The following MYO1D variants were observed in gnomAD, a reference collection of about 807,000 sequenced individuals.
MYO1D encodes myosin ID, also known as unconventional myosin-Id.
Under a neutral mutation model 122.0 loss-of-function variants are expected in MYO1D, and 83 were observed. That is an observed-to-expected ratio of 0.68 (90% confidence interval 0.57 to 0.82). The LOEUF (loss-of-function observed/expected upper bound fraction) is 0.82. MYO1D is among the 40% of genes least tolerant of loss of function. MYO1D has a pLI of 0.00. For missense variants in MYO1D, 1,157 were observed against 1,269.5 expected (o/e 0.91, Z 1.35); for synonymous variants, 464 against 446.9 (o/e 1.04, Z -0.48).
At chr17:32,755,362 A>C in intron 11 of MYO1D, 130 bp downstream of exon 11, 1 of 950,798 alleles carries the variant, frequency 1.1e-6, no homozygotes, top group Non-Finnish European at 1.5e-6. Context: ...TCATTTAATG[A>C]ATGTTTATGA....
chr17:32,810,041 G>A (rs1358092694), intron 1 of MYO1D, among the ~76,000 whole-genome samples: 1 of 152,162 alleles, frequency 6.6e-6, no homozygotes, highest in East Asian at 1.9e-4. Context: ...GTGGCATGCA[G>A]GTGACCTTGA....
intron 21 of MYO1D, among the ~76,000 whole-genome samples, chr17:32,551,534 C>G (rs1483070625): frequency 1.5e-5 from 2 of 137,788 alleles, no homozygotes; most frequent in Non-Finnish European, 3.1e-5. Flanking sequence ...TTCTCTATGT[C>G]CCCCCACCCA....
chr17:32,756,696 G>GA (rs1460255790), intron 10 of MYO1D, among the ~76,000 whole-genome samples: 2 of 151,668 alleles, frequency 1.3e-5, no homozygotes, highest in African/African-American at 4.8e-5. Flanking sequence ...TGAACAATTT[G>GA]AAAAAATTCA....
chr17:32,547,056 C>T (rs780774086), intron 21 of MYO1D, among the ~76,000 whole-genome samples: 1 of 148,358 alleles, frequency 6.7e-6, no homozygotes, highest in Non-Finnish European at 1.5e-5. Flanking sequence ...ACTACATCAC[C>T]GTGCCCAGCT....
chr17:32,802,935 T>A (rs1290081067), intron 1 of MYO1D, among the ~76,000 whole-genome samples: 1 of 152,178 alleles, frequency 6.6e-6, no homozygotes, highest in Non-Finnish European at 1.5e-5. Context: ...TTAGATTTGG[T>A]GGCCAAATCG....
At chr17:32,658,999 G>C (rs112069893) in intron 17 of MYO1D, 116 bp downstream of exon 17, 3 of 989,558 alleles carry the variant, frequency 3.0e-6, no homozygotes, top group Admixed American at 2.2e-5. Flanking sequence ...ATAAGGTAAA[G>C]GTAAATGTCA....
chr17:32,871,264 T>C (rs1382054724), intron 1 of MYO1D, among the ~76,000 whole-genome samples: 1 of 152,062 alleles, frequency 6.6e-6, no homozygotes, highest in Non-Finnish European at 1.5e-5. Context: ...TTGTCATAAA[T>C]GAAAGAGGAG....
At chr17:32,875,709 TG>T (rs1342274237) in intron 1 of MYO1D, among the ~76,000 whole-genome samples, 1 of 152,200 alleles carries the variant, frequency 6.6e-6, no homozygotes, top group African/African-American at 2.4e-5. Context: ...CCCTGTCAAC[TG>T]GATTGACAGG....
intron 20 of MYO1D, among the ~76,000 whole-genome samples, chr17:32,610,808 C>T (rs537008793): frequency 1.9e-4 from 29 of 152,298 alleles, no homozygotes; most frequent in Non-Finnish European, 3.4e-4. Context: ...TTGTGAAACA[C>T]CTCAGCTGGG....
chr17:32,618,163 A>G (rs1222149803), intron 20 of MYO1D, among the ~76,000 whole-genome samples: 1 of 152,224 alleles, frequency 6.6e-6, no homozygotes, highest in Non-Finnish European at 1.5e-5. Flanking sequence ...TCTACAAAAC[A>G]TGAGCTTTGA....
chr17:32,758,842 G>A (rs1179009906), intron 10 of MYO1D, among the ~76,000 whole-genome samples: 1 of 152,038 alleles, frequency 6.6e-6, no homozygotes, highest in Non-Finnish European at 1.5e-5. Context: ...GCTCCCTCTA[G>A]GACAAATAGT....
chr17:32,816,938 T>G (rs1437506382), intron 1 of MYO1D, among the ~76,000 whole-genome samples: 1 of 152,004 alleles, frequency 6.6e-6, no homozygotes, highest in Non-Finnish European at 1.5e-5. Context: ...TGACAAGCGG[T>G]AAGAAATGCC....
intron 16 of MYO1D, among the ~76,000 whole-genome samples, chr17:32,697,518 C>T (rs939842739): frequency 6.6e-6 from 1 of 152,210 alleles, no homozygotes; most frequent in African/African-American, 2.4e-5. Flanking sequence ...ACCCCAGCTT[C>T]CTGTTTCAGC....
intron 16 of MYO1D, among the ~76,000 whole-genome samples, chr17:32,689,242 T>G (rs570994534): frequency 4.9e-4 from 74 of 152,186 alleles, no homozygotes; most frequent in Non-Finnish European, 1.0e-3. Flanking sequence ...GCATTTAAAT[T>G]ATAAATGCTT....
chr17:32,808,472 A>G (rs1703706699), intron 1 of MYO1D, among the ~76,000 whole-genome samples: 1 of 152,176 alleles, frequency 6.6e-6, no homozygotes, highest in Non-Finnish European at 1.5e-5. Flanking sequence ...TTTCCCTCAC[A>G]GCTTATCCCA....
intron 21 of MYO1D, among the ~76,000 whole-genome samples, chr17:32,588,388 C>CT (rs946809066): frequency 6.6e-6 from 1 of 152,198 alleles, no homozygotes; most frequent in African/African-American, 2.4e-5. Flanking sequence ...ATGTCCTTCT[C>CT]TGATCGTTCA....
At chr17:32,542,703 C>T (rs981182850) in intron 21 of MYO1D, among the ~76,000 whole-genome samples, 6 of 151,334 alleles carry the variant, frequency 4.0e-5, no homozygotes, top group Non-Finnish European at 5.9e-5. Flanking sequence ...TCAGGAATAT[C>T]TAAATATTTC....
intron 1 of MYO1D, chr17:32,794,110 C>A (rs2151038266): frequency 6.6e-6 from 1 of 152,304 alleles, no homozygotes; most frequent in East Asian, 1.9e-4. Context: ...TCCAGCTTGG[C>A]TTCATGTTTA....
At chr17:32,543,545 C>T (rs575800378) in intron 21 of MYO1D, among the ~76,000 whole-genome samples, 1 of 151,720 alleles carries the variant, frequency 6.6e-6, no homozygotes, top group East Asian at 1.9e-4. Flanking sequence ...CACTGCACTC[C>T]AGCCTGCGCA....
Sources: gnomAD v4.1 joint callset for allele counts (sites outside exome capture counted in the v4.1 genomes callset) on GRCh38, gnomAD v4.1.1 for gene constraint, MANE v1.5 for transcripts, NCBI Gene and HGNC (gene_info 2026-07-23, HGNC 2026-07-21) for gene names.